PDE11A: variants seen among roughly 807,000 people sequenced by gnomAD.
The protein encoded by PDE11A is dual 3',5'-cyclic-AMP and -GMP phosphodiesterase 11A.
Under a neutral mutation model 100.5 loss-of-function variants are expected in PDE11A, and 100 were observed. The ratio of observed to expected loss-of-function variants is 1.00; its 90% confidence interval spans 0.85 to 1.18. The LOEUF (loss-of-function observed/expected upper bound fraction) is 1.18. Among genes scored for constraint, PDE11A ranks in the 50% most tolerant of loss-of-function variants. The pLI is 0.00. For missense variants in PDE11A, 1,141 were observed against 1,152.6 expected (o/e 0.99, Z 0.15); for synonymous variants, 381 against 420.8 (o/e 0.91, Z 1.16).
intron 2 of PDE11A, among the ~76,000 whole-genome samples, chr2:177,990,562 A>AC (rs2085989835): frequency 6.6e-6 from 1 of 151,764 alleles, no homozygotes; most frequent in African/African-American, 2.4e-5. Flanking sequence ...ACATGGTGAA[A>AC]CCCCATCTCT....
At chr2:177,701,907 C>T (rs1332714163) in intron 13 of PDE11A, among the ~76,000 whole-genome samples, 20 of 152,130 alleles carry the variant, frequency 1.3e-4, no homozygotes, top group East Asian at 9.6e-4. Context: ...TAGCTTTGGA[C>T]GGTTACTTGG....
intron 1 of PDE11A, among the ~76,000 whole-genome samples, chr2:178,054,450 T>C (rs1428985803): frequency 2.0e-5 from 3 of 152,216 alleles, no homozygotes; most frequent in Non-Finnish European, 4.4e-5. Context: ...AAGGACTTCA[T>C]GTCTAAAATA....
At chr2:177,749,682 A>G (rs2105475371) in intron 10 of PDE11A, among the ~76,000 whole-genome samples, 1 of 152,316 alleles carries the variant, frequency 6.6e-6, no homozygotes, top group African/African-American at 2.4e-5. Flanking sequence ...AATCTGGCAT[A>G]TAGTAAGTGC....
intron 1 of PDE11A, among the ~76,000 whole-genome samples, chr2:178,034,192 TG>T (rs1210032703): frequency 7.3e-5 from 11 of 150,252 alleles, no homozygotes; most frequent in Non-Finnish European, 1.5e-4. Flanking sequence ...AAAAAAGGGA[TG>T]GAGGAATATT....
chr2:177,926,413 TA>T (rs1215505628), intron 2 of PDE11A, among the ~76,000 whole-genome samples: 1 of 152,190 alleles, frequency 6.6e-6, no homozygotes, highest in Non-Finnish European at 1.5e-5. Flanking sequence ...ATTCTATGTC[TA>T]AAAGAATCAG....
intron 2 of PDE11A, among the ~76,000 whole-genome samples, chr2:178,084,163 A>T (rs2087321083): frequency 6.6e-6 from 1 of 152,262 alleles, no homozygotes. Flanking sequence ...CAAAAGTATA[A>T]AAATCCAAAG....
intron 2 of PDE11A, among the ~76,000 whole-genome samples, chr2:177,947,330 G>T (rs1348379946): frequency 6.7e-6 from 1 of 149,600 alleles, no homozygotes; most frequent in East Asian, 2.0e-4. Context: ...AGAAAGGCGG[G>T]AAAGGTGGGC....
intron 5 of PDE11A, among the ~76,000 whole-genome samples, chr2:177,863,451 T>C (rs757806582): frequency 2.6e-5 from 4 of 151,898 alleles, no homozygotes; most frequent in African/African-American, 4.8e-5. Context: ...GGTTAACCAT[T>C]CAAAATTTAT....
intron 13 of PDE11A, among the ~76,000 whole-genome samples, chr2:177,705,978 G>A (rs183465530): frequency 9.2e-4 from 140 of 152,112 alleles, no homozygotes; most frequent in African/African-American, 3.0e-3. Context: ...AGGATGAGTG[G>A]GGAACGCTGT....
At chr2:178,091,852 T>A (rs1219877240) in intron 2 of PDE11A, among the ~76,000 whole-genome samples, 4 of 152,172 alleles carry the variant, frequency 2.6e-5, no homozygotes, top group African/African-American at 9.7e-5. Context: ...GTCCCTGCTA[T>A]CCTTCCCTGC....
intron 5 of PDE11A, among the ~76,000 whole-genome samples, chr2:177,852,768 C>T (rs1264607556): frequency 1.3e-5 from 2 of 152,112 alleles, no homozygotes; most frequent in Non-Finnish European, 2.9e-5. Flanking sequence ...GCCAGCCTGT[C>T]AGCTCTTACC....
intron 2 of PDE11A, among the ~76,000 whole-genome samples, chr2:177,946,973 G>GC (rs2085446013): frequency 9.1e-6 from 1 of 109,356 alleles, no homozygotes; most frequent in Admixed American, 8.2e-5. Context: ...GGGGGGGTCA[G>GC]CCCCCCGCCC....
Position 177,820,218 on chromosome 2 carries a change from A to C in PDE11A, c.1576+2T>G, listed in dbSNP as rs1263935340. ...AGTTTAACTATTTAGGTCATCTCTT[A>C]CCAATTATTTGGTGGTTGCTATTCC... On this transcript the variant is annotated splice_donor_variant, in intron 7 of 19. Transcript: ENST00000286063. LOFTEE classifies it high-confidence loss of function. 6.8e-7 allele frequency: 1 copy of C among 1,478,974 alleles called. No homozygotes were observed. The highest frequency in any genetic ancestry group is 9.5e-7 in the Non-Finnish European group (1 of 1,057,562). 91.6% of individuals were successfully genotyped at this position (1,478,974 alleles called of 1,614,324 possible). A position where few individuals can be genotyped will look rare whatever the true frequency, so the allele number is the denominator to read the frequency against.
intron 2 of PDE11A, among the ~76,000 whole-genome samples, chr2:177,980,829 G>T (rs1434979907): frequency 1.3e-5 from 2 of 150,546 alleles, no homozygotes; most frequent in East Asian, 3.8e-4. Flanking sequence ...TCAGAGAAAT[G>T]AAGAGTCTTA....
chr2:177,816,720 C>T, intron 9 of PDE11A, 109 bp downstream of exon 9: 1 of 763,884 alleles, frequency 1.3e-6, no homozygotes, highest in Non-Finnish European at 2.4e-6. Context: ...TGATTAAGGC[C>T]CAATGAATAA....
intron 18 of PDE11A, among the ~76,000 whole-genome samples, chr2:177,668,009 T>C (rs1209219704): frequency 6.6e-6 from 1 of 152,212 alleles, no homozygotes; most frequent in Admixed American, 6.5e-5. Context: ...GGAAAAGAAC[T>C]GAGGGCTAAC....
chr2:177,822,301 T>G (rs546011511), intron 6 of PDE11A, among the ~76,000 whole-genome samples: 8 of 152,006 alleles, frequency 5.3e-5, no homozygotes, highest in Admixed American at 3.3e-4. Context: ...CTTTTTTTTT[T>G]GAAATGGATA....
At chr2:177,710,366 G>A (rs1329263452) in intron 13 of PDE11A, among the ~76,000 whole-genome samples, 1 of 152,138 alleles carries the variant, frequency 6.6e-6, no homozygotes, top group Non-Finnish European at 1.5e-5. Flanking sequence ...TGGTGCGGGG[G>A]AGGCGGGGGA....
chr2:177,725,779 G>A (rs912332020), intron 12 of PDE11A, among the ~76,000 whole-genome samples: 3 of 152,088 alleles, frequency 2.0e-5, no homozygotes, highest in Admixed American at 6.6e-5. Flanking sequence ...TTGCTCCTAA[G>A]TGTCCACTGT....
Sources: allele counts gnomAD v4.1 joint callset (sites outside exome capture counted in the v4.1 genomes callset), GRCh38; gene constraint gnomAD v4.1.1; transcripts MANE v1.5; gene names NCBI Gene and HGNC (gene_info 2026-07-23, HGNC 2026-07-21).